The following NRXN3 variants were observed in gnomAD, a reference collection of about 807,000 sequenced individuals.
The protein encoded by NRXN3 is neurexin 3.
NRXN3 carries 32 observed loss-of-function variants against 137.6 expected under a neutral mutation model. That is an observed-to-expected ratio of 0.23 (90% CI 0.18 to 0.31). The LOEUF (loss-of-function observed/expected upper bound fraction) is 0.31, where lower values mean the gene tolerates loss of function less well. Among genes scored for constraint, NRXN3 ranks in the 10% least tolerant of loss-of-function variants. The pLI is 1.00. For missense variants in NRXN3, 1,574 were observed against 2,062.5 expected, an observed-to-expected ratio of 0.76 and a Z score of 4.59; for synonymous variants, 798 against 784.5, an observed-to-expected ratio of 1.02 and a Z score of -0.29.
At position 79,814,290 on chromosome 14, in the gene NRXN3, C is replaced by T. The variant is rs1047925389; in HGVS notation, c.4093+9100C>T. On this transcript the variant is annotated intron_variant, in intron 20 of 20. Transcript: ENST00000335750. Reference sequence around the variant, plus strand: ...CTCTTGTTTGGCACATCTGTCTTGCCATCTTGTCTTGTCCACTGTCGTGGT... The same window carrying T: ...CTCTTGTTTGGCACATCTGTCTTGCTATCTTGTCTTGTCCACTGTCGTGGT... 3.3e-5 allele frequency among the ~76,000 whole-genome samples: 5 copies of T among 152,330 alleles called. No homozygotes were observed. The East Asian group carries it at 9.6e-4, about 29-fold the overall frequency.
intron 15 of NRXN3, among the ~76,000 whole-genome samples, chr14:79,165,487 G>T (rs958234404): frequency 1.3e-5 from 2 of 151,928 alleles, no homozygotes; most frequent in Non-Finnish European, 2.9e-5. Flanking sequence ...ATGCGATTTT[G>T]TGTGTTCTCA....
chr14:79,828,315 G>C (rs530944892), intron 20 of NRXN3, among the ~76,000 whole-genome samples: 3 of 152,052 alleles, frequency 2.0e-5, no homozygotes, highest in African/African-American at 7.2e-5. Context: ...CTGGAGGAAG[G>C]TTGGCTAGAA....
At chr14:78,692,225 T>C (rs2098178191) in intron 6 of NRXN3, among the ~76,000 whole-genome samples, 2 of 152,106 alleles carry the variant, frequency 1.3e-5, no homozygotes, top group South Asian at 4.2e-4. Context: ...GGTCGGTAGG[T>C]TTTTCTGTGG....
rs1036291257 is a variant in NRXN3, at chr14:79,438,195, C to T, written c.3263-29026C>T. On this transcript the variant is annotated intron_variant, in intron 15 of 20. Coordinates refer to ENST00000335750, the MANE Select transcript of NRXN3 (RefSeq NM_001330195.2). Reference sequence around the variant, plus strand: ...GGGACTGTAGCCTTGTCTGGACTCCCCTTTCCCTCTGCGTGGGAGTGCTTC... The same window carrying T: ...GGGACTGTAGCCTTGTCTGGACTCCTCTTTCCCTCTGCGTGGGAGTGCTTC... Among the ~76,000 whole-genome samples the T allele has an allele frequency of 5.9e-5, 9 of 152,302 alleles. No individual in the cohort carries two copies. The South Asian group carries it at 1.0e-3, about 18-fold the overall frequency.
chr14:79,191,790 T>C (rs942535053), intron 15 of NRXN3, among the ~76,000 whole-genome samples: 10 of 152,174 alleles, frequency 6.6e-5, no homozygotes, highest in African/African-American at 2.2e-4. Flanking sequence ...GCTGATTTGT[T>C]CATATTTAAG....
intron 16 of NRXN3, among the ~76,000 whole-genome samples, chr14:79,532,259 C>G (rs2097176243): frequency 6.6e-6 from 1 of 152,076 alleles, no homozygotes. Context: ...TCTATGATAC[C>G]TATCCTGACT....
intron 4 of NRXN3, among the ~76,000 whole-genome samples, chr14:78,311,033 T>C (rs1454491711): frequency 2.6e-5 from 4 of 152,208 alleles, no homozygotes; most frequent in Non-Finnish European, 5.9e-5. Context: ...GAACATATTA[T>C]TCAATCTTTT....
chr14:78,513,553 A>G (rs1007055891), intron 4 of NRXN3, among the ~76,000 whole-genome samples: 6 of 152,202 alleles, frequency 3.9e-5, no homozygotes, highest in Non-Finnish European at 7.3e-5. Flanking sequence ...TATGAGACAC[A>G]GGAACATGCA....
intron 4 of NRXN3, among the ~76,000 whole-genome samples, chr14:78,472,908 G>T (rs2153730873): frequency 7.6e-6 from 1 of 131,924 alleles, no homozygotes; most frequent in South Asian, 2.6e-4. Context: ...AGCAAAGAGA[G>T]AAAATGTCTT....
chr14:79,589,897 A>T (rs1482014339), intron 16 of NRXN3, among the ~76,000 whole-genome samples: 1 of 152,226 alleles, frequency 6.6e-6, no homozygotes, highest in Non-Finnish European at 1.5e-5. Flanking sequence ...CTATTGAATG[A>T]CTGTGGAGTG....
At chr14:79,172,721 C>T (rs1482464404) in intron 15 of NRXN3, among the ~76,000 whole-genome samples, 1 of 152,124 alleles carries the variant, frequency 6.6e-6, no homozygotes, top group Non-Finnish European at 1.5e-5. Context: ...CTTAATTTCC[C>T]AGTGTTCTTA....
chr14:79,010,626 TAAC>T (rs1309045182), intron 15 of NRXN3, among the ~76,000 whole-genome samples: 1 of 152,200 alleles, frequency 6.6e-6, no homozygotes, highest in East Asian at 1.9e-4. Context: ...ATAAGTATAA[TAAC>T]AAAATTTATA....
chr14:79,194,389 A>G (rs1251835089), intron 15 of NRXN3, among the ~76,000 whole-genome samples: 1 of 152,218 alleles, frequency 6.6e-6, no homozygotes, highest in Non-Finnish European at 1.5e-5. Flanking sequence ...GAACTTCCAA[A>G]TGAACATATT....
chr14:79,720,800 G>C (rs2098841957), intron 19 of NRXN3, among the ~76,000 whole-genome samples: 1 of 152,062 alleles, frequency 6.6e-6, no homozygotes, highest in Non-Finnish European at 1.5e-5. Context: ...TGTTTGCTTT[G>C]TGTGTGTCAT....
At chr14:78,282,759 A>T (rs1344669971) in intron 3 of NRXN3, among the ~76,000 whole-genome samples, 2 of 152,124 alleles carry the variant, frequency 1.3e-5, no homozygotes, top group Non-Finnish European at 2.9e-5. Context: ...AGGGGACCTG[A>T]TTATGTGTCC....
At chr14:78,940,029 A>G (rs1321130384) in intron 10 of NRXN3, among the ~76,000 whole-genome samples, 3 of 152,196 alleles carry the variant, frequency 2.0e-5, no homozygotes, top group African/African-American at 7.2e-5. Flanking sequence ...TTTTTGATCT[A>G]GGAGATAAAA....
chr14:78,524,233 C>T (rs897496849), intron 4 of NRXN3, among the ~76,000 whole-genome samples: 28 of 152,280 alleles, frequency 1.8e-4, no homozygotes, highest in African/African-American at 6.5e-4. Context: ...GTATTTCTAC[C>T]TGCATGTGGA....
At chr14:78,935,603 G>T (rs905873318) in intron 10 of NRXN3, among the ~76,000 whole-genome samples, 1 of 152,176 alleles carries the variant, frequency 6.6e-6, no homozygotes, top group African/African-American at 2.4e-5. Flanking sequence ...AAAGTTCTGC[G>T]TGTGTTTAGT....
chr14:78,938,724 C>A (rs898314470), intron 10 of NRXN3, among the ~76,000 whole-genome samples: 1 of 151,942 alleles, frequency 6.6e-6, no homozygotes, highest in African/African-American at 2.4e-5. Flanking sequence ...TTATTTAAAC[C>A]TTCTTTTTGA....
Sources: allele counts gnomAD v4.1 joint callset (sites outside exome capture counted in the v4.1 genomes callset), GRCh38; gene constraint gnomAD v4.1.1; transcripts MANE v1.5; gene names NCBI Gene and HGNC (gene_info 2026-07-23, HGNC 2026-07-21).